Variants in ATAD2 observed in about 807,000 individuals in gnomAD.
The protein encoded by ATAD2 is ATPase family AAA domain-containing protein 2.
ATAD2 carries 62 observed loss-of-function variants against 168.9 expected under a neutral mutation model. The observed-to-expected ratio is 0.37, with a 90% CI of 0.30 to 0.45. The LOEUF (loss-of-function observed/expected upper bound fraction) is 0.45. Ranked by LOEUF, ATAD2 falls within the 20% of genes least tolerant of loss-of-function variation. The pLI is 1.00. For synonymous variants in ATAD2, 613 were observed against 571.6 expected (o/e 1.07, Z -1.03); for missense variants, 1,419 against 1,667.8 (o/e 0.85, Z 2.60).
chr8:123,350,806 G>C (rs1446504376), intron 13 of ATAD2, among the ~76,000 whole-genome samples: 1 of 151,586 alleles, frequency 6.6e-6, no homozygotes, highest in Admixed American at 6.6e-5. Context: ...CTCACTGCAA[G>C]CTCCACCTCC....
At chr8:123,357,968 CA>C (rs951946063) in intron 11 of ATAD2, among the ~76,000 whole-genome samples, 49 of 152,236 alleles carry the variant, frequency 3.2e-4, no homozygotes, top group African/African-American at 1.1e-3. Context: ...AACATTTTAA[CA>C]ATTCATTCAT....
Position 123,369,906 on chromosome 8 carries a change from A to C in ATAD2, c.846T>G (p.Asp282Glu), listed in dbSNP as rs777286955. Residue 282 changes from aspartate to glutamate, a missense_variant, in exon 7 of 28, where the codon GAT becomes GAG. Physicochemically the swap from Asp to Glu is conservative, Grantham distance 45. This residue lies in a region of ATAD2 where 419 missense variants were observed against 423.5 expected (regional missense o/e 0.99). Transcript: ENST00000287394. ...GATTCTCTTCTTCTCCATCTTCTTC[A>C]TCTTCATCATCTTCATCATCATCAT... Reference protein sequence around the residue: ...DDDDDDEDDEDEEDGEEENQK... With the variant: ...DDDDDDEDDEEEEDGEEENQK... 2 of 1,580,534 alleles carry C rather than the reference A, an allele frequency of 1.3e-6. No homozygotes were observed. Among genetic ancestry groups the C allele is most frequent in the Non-Finnish European group, 1.7e-6 (2 of 1,157,400 alleles).
intron 8 of ATAD2, among the ~76,000 whole-genome samples, chr8:123,366,212 A>C (rs1044016393): frequency 6.6e-6 from 1 of 152,224 alleles, no homozygotes; most frequent in African/African-American, 2.4e-5. Context: ...TCAAAACCAC[A>C]ATGTGATACC....
rs74810609 is a variant in ATAD2, at chr8:123,391,531, T to C, written c.171+4656A>G. 6.9e-3 allele frequency among the ~76,000 whole-genome samples: 676 copies of C among 97,668 alleles called. 5 individuals carry two copies. Among genetic ancestry groups the C allele is most frequent in the Admixed American group, 0.01 (83 of 7,958 alleles). 64.1% of individuals were successfully genotyped at this position (97,668 alleles called of 152,430 possible). ...AAAAAAGGTCAGCCTGAGATTAGAC[T>C]AGGAAAAATTCAAGTTAATGAATTA... is the stretch of plus-strand genomic sequence containing the variant. On this transcript the variant is annotated intron_variant, in intron 1 of 27. Transcript: ENST00000287394.
At chr8:123,393,704 A>C (rs982172648) in intron 1 of ATAD2, among the ~76,000 whole-genome samples, 25 of 152,000 alleles carry the variant, frequency 1.6e-4, no homozygotes, top group African/African-American at 6.0e-4. Context: ...ATCACCTGAG[A>C]CCGGGAGTTT....
intron 19 of ATAD2, among the ~76,000 whole-genome samples, chr8:123,343,523 A>G (rs1444332130): frequency 3.9e-5 from 6 of 152,218 alleles, no homozygotes; most frequent in Admixed American, 1.3e-4. Flanking sequence ...ATAAGCACTC[A>G]ATAAATATTT....
chr8:123,333,708 G>T (rs925638146), intron 24 of ATAD2, among the ~76,000 whole-genome samples, 170 bp downstream of exon 24: 1 of 152,136 alleles, frequency 6.6e-6, no homozygotes, highest in African/African-American at 2.4e-5. Flanking sequence ...GTTGCAAGTG[G>T]TACATTATAA....
intron 1 of ATAD2, among the ~76,000 whole-genome samples, chr8:123,410,921 G>C (rs550408456): frequency 2.6e-5 from 4 of 152,302 alleles, no homozygotes; most frequent in Middle Eastern, 3.4e-3. Context: ...CTAAGTGCCC[G>C]GGTTCATCCT....
intron 2 of ATAD2, among the ~76,000 whole-genome samples, chr8:123,376,944 T>C (rs2129809589): frequency 6.6e-6 from 1 of 151,450 alleles, no homozygotes; most frequent in South Asian, 2.1e-4. Flanking sequence ...ATACAAAAAT[T>C]AGCTGGGTGT....
chr8:123,335,532 T>A (rs1316455123), intron 22 of ATAD2, among the ~76,000 whole-genome samples: 2 of 152,190 alleles, frequency 1.3e-5, no homozygotes, highest in East Asian at 1.9e-4. Context: ...TTAAAATGTA[T>A]CTTTTTATCC....
chr8:123,369,918 TTCATCATCATCA>T lies in ATAD2; in HGVS notation c.822_833del (p.Asp274_Asp277del), dbSNP rs113064839. 29 of 1,567,892 alleles carry T rather than the reference TTCATCATCATCA, an allele frequency of 1.8e-5. No homozygotes were observed. The Middle Eastern group carries it at 5.0e-4, about 27-fold the overall frequency. ...CTCCATCTTCTTCATCTTCATCATC[TTCATCATCATCA>T]TCATCATCATCATCGTCATCATCAT... On this transcript the variant is annotated inframe_deletion, in exon 7 of 28. Transcript: ENST00000287394.
chr8:123,351,306 A>C (rs1002069938), intron 13 of ATAD2, among the ~76,000 whole-genome samples: 4 of 152,086 alleles, frequency 2.6e-5, no homozygotes, highest in African/African-American at 9.7e-5. Flanking sequence ...AGCACTACTG[A>C]CATTTTGGGC....
chr8:123,401,402 A>G (rs1254458352), upstream of ATAD2: 1 of 1,388,460 alleles, frequency 7.2e-7, no homozygotes, highest in Non-Finnish European at 1.0e-6. Context: ...GACTTGTCCG[A>G]AGGGAACTTG....
At chr8:123,321,586 GT>G (rs1409388013) in intron 27 of ATAD2, among the ~76,000 whole-genome samples, 7 of 151,810 alleles carry the variant, frequency 4.6e-5, no homozygotes. Context: ...GCATATGTAA[GT>G]AATATCTTTT....
chr8:123,388,943 T>C (rs1254009954), intron 1 of ATAD2, among the ~76,000 whole-genome samples: 1 of 151,750 alleles, frequency 6.6e-6, no homozygotes, highest in Non-Finnish European at 1.5e-5. Flanking sequence ...TCCTTAATTC[T>C]TTTTGTGCTT....
At chr8:123,323,160 G>A in intron 26 of ATAD2, 94 bp from the exon 27 acceptor site, 2 of 1,356,798 alleles carry the variant, frequency 1.5e-6, no homozygotes, top group Non-Finnish European at 2.0e-6. Context: ...TTACAAGCCT[G>A]ACAGAGGGTA....
At position 123,359,298 on chromosome 8, in the gene ATAD2, T is replaced by C. The variant is rs1458028670; in HGVS notation, c.1305A>G (p.Ile435Met). ...FDSVGGLSNHIAALKEMVVFP... is the reference protein window; with the variant it reads ...FDSVGGLSNHMAALKEMVVFP... ...ACACCACCATCTCTTTTAGAGCTGC[T>C]ATATGATTAGACAGGCCACCAACAC... is the stretch of plus-strand genomic sequence containing the variant. Residue 435 changes from isoleucine (I) to methionine (M), a missense_variant, in exon 11 of 28, where the codon ATA becomes ATG. Ile to Met is a conservative substitution (Grantham distance 10). Around this residue, in one of 5 missense-constraint regions of ATAD2, gnomAD observed 146 missense variants for 188.3 expected, o/e 0.78. Coordinates refer to ENST00000287394, the MANE Select transcript of ATAD2 (RefSeq NM_014109.4). 6 of 1,612,352 alleles carry C rather than the reference T, an allele frequency of 3.7e-6. No homozygotes were observed. The South Asian group carries it at 5.5e-5, about 15-fold the overall frequency.
At chr8:123,368,274 T>C (rs2129723362) in intron 8 of ATAD2, among the ~76,000 whole-genome samples, 1 of 152,056 alleles carries the variant, frequency 6.6e-6, no homozygotes, top group Non-Finnish European at 1.5e-5. Flanking sequence ...AAAAATCAGC[T>C]GGGTGTAGTG....
intron 13 of ATAD2, among the ~76,000 whole-genome samples, chr8:123,350,714 A>G (rs1828423540): frequency 6.6e-6 from 1 of 151,688 alleles, no homozygotes. Context: ...TGGTAGCTAG[A>G]TCTAGAAGCT....
Sources: allele counts gnomAD v4.1 joint callset (sites outside exome capture counted in the v4.1 genomes callset), GRCh38; gene constraint gnomAD v4.1.1; regional missense constraint gnomAD v4.1.1; transcripts MANE v1.5; gene names NCBI Gene and HGNC (gene_info 2026-07-23, HGNC 2026-07-21).